KIAA0825: variants seen among roughly 807,000 people sequenced by gnomAD.
The protein encoded by KIAA0825 is uncharacterized protein KIAA0825.
A neutral mutation model predicts 147.6 loss-of-function variants in KIAA0825; 119 were observed. The observed-to-expected ratio is 0.81, with a 90% CI of 0.69 to 0.94. The LOEUF (loss-of-function observed/expected upper bound fraction) is 0.94. KIAA0825 is among the 40% of genes least tolerant of loss of function. The pLI, the probability that KIAA0825 is intolerant of heterozygous loss-of-function variation, is 0.00. For missense variants in KIAA0825, 1,381 were observed against 1,472.7 expected, an observed-to-expected ratio of 0.94 and a Z score of 1.02; for synonymous variants, 470 against 518.1, an observed-to-expected ratio of 0.91 and a Z score of 1.26.
At chr5:94,364,150 T>G (rs971539218) in intron 20 of KIAA0825, among the ~76,000 whole-genome samples, 3 of 152,004 alleles carry the variant, frequency 2.0e-5, no homozygotes, top group Non-Finnish European at 2.9e-5. Flanking sequence ...TAGCTCATGC[T>G]GGACATCAAC....
chr5:94,553,300 C>A (rs1775886509), intron 2 of KIAA0825, among the ~76,000 whole-genome samples: 2 of 151,712 alleles, frequency 1.3e-5, no homozygotes, highest in African/African-American at 4.8e-5. Flanking sequence ...ATTAGCAGGG[C>A]ATGGTGGTTG....
Position 94,462,542 on chromosome 5 carries a change from G to T in KIAA0825, c.2091C>A (p.Cys697Ter). 6.6e-7 allele frequency: 1 copy of T among 1,513,732 alleles called. No homozygotes were observed. Among genetic ancestry groups the T allele is most frequent in the Non-Finnish European group, 8.8e-7 (1 of 1,131,700 alleles). The allele number at this position is 1,513,732 out of a possible 1,614,324, so 93.8% of individuals were successfully genotyped here. ...LRLDVTTILICTENMLWSVCT... is the reference protein window; with the variant it reads ...LRLDVTTILI Reference sequence around the variant, plus strand: ...AAACTGACCATAACATGTTCTCAGTGCATATCAAAATTGTTGTGACATCAA... The same window carrying T: ...AAACTGACCATAACATGTTCTCAGTTCATATCAAAATTGTTGTGACATCAA... Residue 697 changes from cysteine (C) to a stop codon, truncating the protein, a stop_gained, in exon 12 of 21, where the codon TGC (cysteine) becomes TGA (stop). Coordinates refer to ENST00000682413, the MANE Select transcript of KIAA0825 (RefSeq NM_001145678.3). LOFTEE classifies it high-confidence loss of function.
At chr5:94,299,207 G>A (rs902308664) in intron 20 of KIAA0825, among the ~76,000 whole-genome samples, 5 of 151,624 alleles carry the variant, frequency 3.3e-5, no homozygotes, top group Admixed American at 2.6e-4. Context: ...CTATAGATTC[G>A]ATCTTTATTT....
intron 3 of KIAA0825, among the ~76,000 whole-genome samples, chr5:94,525,932 A>G (rs1319442003): frequency 6.6e-6 from 1 of 152,016 alleles, no homozygotes; most frequent in East Asian, 1.9e-4. Context: ...ATACAAACTA[A>G]GACAGATAAA....
chr5:94,552,299 G>A (rs1775693419), intron 2 of KIAA0825, among the ~76,000 whole-genome samples: 1 of 152,144 alleles, frequency 6.6e-6, no homozygotes, highest in Non-Finnish European at 1.5e-5. Context: ...AGGAGACACA[G>A]ACTGCAATGC....
chr5:94,341,811 T>A (rs1782419449), intron 20 of KIAA0825, among the ~76,000 whole-genome samples: 1 of 152,180 alleles, frequency 6.6e-6, no homozygotes, highest in Admixed American at 6.6e-5. Flanking sequence ...TAATTATTTA[T>A]TTCAATAATC....
chr5:94,371,083 C>A (rs892814138), intron 20 of KIAA0825, among the ~76,000 whole-genome samples: 30 of 151,938 alleles, frequency 2.0e-4, no homozygotes, highest in African/African-American at 7.3e-4. Flanking sequence ...TATTTTATAT[C>A]TTCCTGTACC....
intron 20 of KIAA0825, among the ~76,000 whole-genome samples, chr5:94,336,334 A>C (rs1781790244): frequency 6.6e-6 from 1 of 151,196 alleles, no homozygotes; most frequent in Non-Finnish European, 1.5e-5. Flanking sequence ...ATAGATATAC[A>C]CATGCCATGG....
At chr5:94,382,722 G>A (rs1268655089) in intron 20 of KIAA0825, among the ~76,000 whole-genome samples, 1 of 152,100 alleles carries the variant, frequency 6.6e-6, no homozygotes, top group African/African-American at 2.4e-5. Context: ...CAGATCTCAA[G>A]AAAATACACT....
In KIAA0825 at chr5:94,470,017, T is replaced by G; in HGVS notation, c.1816A>C (p.Ser606Arg). The part of the protein sequence containing the change: ...TNYCVRVCAT[S>R]ILQDAESHHW... ...TGGCTCTCAGCATCCTGTAAAATGCTTGTAGCACAAACTCTGACGCAGTAG... is the reference window on the plus strand; with the variant it reads ...TGGCTCTCAGCATCCTGTAAAATGCGTGTAGCACAAACTCTGACGCAGTAG... Residue 606 changes from serine (S) to arginine (R), a missense_variant, in exon 10 of 21, where the codon AGC (serine) becomes CGC (arginine). Transcript: ENST00000682413. 3 of 1,551,840 alleles carry G rather than the reference T, an allele frequency of 1.9e-6. No homozygotes were observed. Among genetic ancestry groups the G allele is most frequent in the Non-Finnish European group, 2.6e-6 (3 of 1,147,010 alleles).
intron 20 of KIAA0825, among the ~76,000 whole-genome samples, chr5:94,365,528 T>C (rs1471997492): frequency 6.6e-6 from 1 of 152,152 alleles, no homozygotes; most frequent in African/African-American, 2.4e-5. Context: ...ATTGAAAAAA[T>C]GCCAAGTACT....
rs1773244420 is a variant in KIAA0825, at chr5:94,216,850, AC to A, written c.3711-62727del. Among the ~76,000 whole-genome samples, 8 of 152,320 alleles carry A rather than the reference AC, an allele frequency of 5.3e-5. 1 individual carries two copies. The South Asian group carries it at 1.7e-3, about 32-fold the overall frequency. On this transcript the variant is annotated intron_variant, in intron 20 of 20. Coordinates refer to ENST00000682413, the MANE Select transcript of KIAA0825 (RefSeq NM_001145678.3). ...TTTAGGAGAACTGAAAAGTACAGAA[AC>A]AGATTAGATGAAAATCCATATTTAA...
chr5:94,515,560 G>A (rs1407151746), intron 5 of KIAA0825, among the ~76,000 whole-genome samples: 1 of 152,122 alleles, frequency 6.6e-6, no homozygotes, highest in Non-Finnish European at 1.5e-5. Context: ...GGGAGGCCAA[G>A]GCGGGTGGAT....
intron 17 of KIAA0825, 122 bp from the exon 18 acceptor site, chr5:94,391,816 C>A: frequency 1.2e-6 from 1 of 837,496 alleles, no homozygotes; most frequent in East Asian, 2.9e-5. Flanking sequence ...ATAAAGACTA[C>A]GCTGAAATAG....
chr5:94,441,027 G>A (rs1376476045), intron 13 of KIAA0825, among the ~76,000 whole-genome samples: 3 of 152,002 alleles, frequency 2.0e-5, no homozygotes, highest in Admixed American at 6.6e-5. Context: ...GCAATCTAGA[G>A]GTGAGAATGG....
intron 14 of KIAA0825, among the ~76,000 whole-genome samples, chr5:94,439,602 T>C (rs1459768499): frequency 6.6e-6 from 1 of 151,498 alleles, no homozygotes; most frequent in African/African-American, 2.4e-5. Flanking sequence ...AATCTAATAC[T>C]CTGTCTCTGT....
intron 20 of KIAA0825, among the ~76,000 whole-genome samples, chr5:94,163,042 A>T (rs1411685657): frequency 6.6e-6 from 1 of 152,138 alleles, no homozygotes. Flanking sequence ...TTTTTGTATC[A>T]CTATTTGTTT....
intron 17 of KIAA0825, among the ~76,000 whole-genome samples, chr5:94,392,025 T>A (rs968701288): frequency 2.0e-5 from 3 of 152,264 alleles, no homozygotes; most frequent in African/African-American, 7.2e-5. Flanking sequence ...TTTCTTTTTA[T>A]GAACATGTAA....
intron 12 of KIAA0825, among the ~76,000 whole-genome samples, chr5:94,461,326 T>C (rs1366905497): frequency 6.6e-6 from 1 of 151,970 alleles, no homozygotes; most frequent in Non-Finnish European, 1.5e-5. Flanking sequence ...TTAGATGAAA[T>C]GACCCATTGA....
Sources: allele counts gnomAD v4.1 joint callset (sites outside exome capture counted in the v4.1 genomes callset), GRCh38; gene constraint gnomAD v4.1.1; transcripts MANE v1.5; gene names NCBI Gene and HGNC (gene_info 2026-07-23, HGNC 2026-07-21).